PARD3: variants seen among roughly 807,000 people sequenced by gnomAD.
PARD3 encodes partitioning defective 3 homolog.
A neutral mutation model predicts 155.4 loss-of-function variants in PARD3; 75 were observed. The observed-to-expected ratio is 0.48, with a 90% CI of 0.40 to 0.58. The LOEUF is 0.58. PARD3 is among the 20% of genes least tolerant of loss of function. The pLI is 0.00. For synonymous variants in PARD3, 576 were observed against 610.5 expected, an observed-to-expected ratio of 0.94 and a Z score of 0.83; for missense variants, 1,642 against 1,721.7, an observed-to-expected ratio of 0.95 and a Z score of 0.82.
chr10:34,203,399 C>G (rs1302025881), intron 22 of PARD3, among the ~76,000 whole-genome samples: 1 of 152,192 alleles, frequency 6.6e-6, no homozygotes, highest in African/African-American at 2.4e-5. Flanking sequence ...TGCAAAGCTT[C>G]TGAAGCTTTC....
At chr10:34,300,990 A>C (rs1957120224) in intron 20 of PARD3, among the ~76,000 whole-genome samples, 2 of 152,086 alleles carry the variant, frequency 1.3e-5, no homozygotes, top group Admixed American at 1.3e-4. Context: ...TAATAGCTAC[A>C]ATCCTTTGTG....
At chr10:34,495,442 C>T (rs1161046927) in intron 3 of PARD3, among the ~76,000 whole-genome samples, 1 of 152,192 alleles carries the variant, frequency 6.6e-6, no homozygotes, top group Non-Finnish European at 1.5e-5. Context: ...CTCGGATAAT[C>T]AAGGGTAGAC....
At chr10:34,766,698 G>C (rs1243969029) in intron 1 of PARD3, among the ~76,000 whole-genome samples, 1 of 137,722 alleles carries the variant, frequency 7.3e-6, no homozygotes, top group East Asian at 2.7e-4. Flanking sequence ...AAAAAAGCAG[G>C]GGTATAGAAA....
At chr10:34,184,536 A>C (rs1950401208) in intron 22 of PARD3, among the ~76,000 whole-genome samples, 1 of 152,100 alleles carries the variant, frequency 6.6e-6, no homozygotes, top group Non-Finnish European at 1.5e-5. Flanking sequence ...AATTATTAGC[A>C]TTATTCTGTT....
intron 5 of PARD3, among the ~76,000 whole-genome samples, chr10:34,431,740 CAAAAAAAA>C (rs57001926): frequency 4.8e-4 from 12 of 25,200 alleles, no homozygotes; most frequent in Admixed American, 9.2e-4. Context: ...AACTCTGTCT[CAAAAAAAA>C]AAAAAAAAAA....
At chr10:34,159,957 C>A (rs984558130) in intron 22 of PARD3, among the ~76,000 whole-genome samples, 6 of 152,136 alleles carry the variant, frequency 3.9e-5, no homozygotes, top group Non-Finnish European at 7.3e-5. Context: ...AACATTTTCA[C>A]CCAGGAACTT....
intron 20 of PARD3, among the ~76,000 whole-genome samples, chr10:34,292,192 T>C (rs760064525): frequency 2.0e-5 from 3 of 152,224 alleles, no homozygotes; most frequent in Non-Finnish European, 2.9e-5. Context: ...AGGAATTCAC[T>C]GCATGCAGTT....
chr10:34,295,746 T>C (rs1437297850), intron 20 of PARD3, among the ~76,000 whole-genome samples: 1 of 152,166 alleles, frequency 6.6e-6, no homozygotes, highest in Admixed American at 6.5e-5. Flanking sequence ...TATACACAAA[T>C]CTCAGTGGGT....
chr10:34,554,669 G>A (rs1775077080), intron 2 of PARD3, among the ~76,000 whole-genome samples: 2 of 152,106 alleles, frequency 1.3e-5, no homozygotes, highest in African/African-American at 4.8e-5. Context: ...TACAATTAAG[G>A]CCAATGACAA....
chr10:34,418,873 C>A (rs1845924601), intron 5 of PARD3, among the ~76,000 whole-genome samples: 1 of 152,094 alleles, frequency 6.6e-6, no homozygotes, highest in Admixed American at 6.5e-5. Context: ...TGGGCTCAAG[C>A]AATCTTCCTG....
At chr10:34,583,664 C>T (rs776330560) in intron 2 of PARD3, among the ~76,000 whole-genome samples, 15 of 152,064 alleles carry the variant, frequency 9.9e-5, no homozygotes, top group Non-Finnish European at 2.1e-4. Context: ...ATGAGGAAAC[C>T]TTATCTTCCA....
intron 1 of PARD3, among the ~76,000 whole-genome samples, chr10:34,706,099 G>C (rs1482436690): frequency 6.6e-6 from 1 of 152,124 alleles, no homozygotes; most frequent in African/African-American, 2.4e-5. Flanking sequence ...GCTGGCACAG[G>C]ACACAGCCAA....
At chr10:34,456,699 T>C (rs1234435808) in intron 4 of PARD3, among the ~76,000 whole-genome samples, 1 of 152,206 alleles carries the variant, frequency 6.6e-6, no homozygotes, top group Non-Finnish European at 1.5e-5. Flanking sequence ...ATTAACAATA[T>C]ACAAAATAAA....
At chr10:34,803,719 C>T (rs1225246901) in intron 1 of PARD3, among the ~76,000 whole-genome samples, 2 of 151,828 alleles carry the variant, frequency 1.3e-5, no homozygotes, top group Non-Finnish European at 2.9e-5. Context: ...TGTAGAATTG[C>T]TTGAACCCAG....
intron 23 of PARD3, among the ~76,000 whole-genome samples, chr10:34,125,075 T>C (rs867016721): frequency 1.3e-5 from 2 of 150,420 alleles, no homozygotes; most frequent in African/African-American, 2.5e-5. Context: ...TTCTTTCTTT[T>C]TTTTTTTTTG....
At chr10:34,648,299 T>C (rs1401193888) in intron 2 of PARD3, among the ~76,000 whole-genome samples, 1 of 152,224 alleles carries the variant, frequency 6.6e-6, no homozygotes, top group Non-Finnish European at 1.5e-5. Flanking sequence ...TGTTTTATAG[T>C]TATTTTTAAT....
chr10:34,174,499 G>A (rs568241613), intron 22 of PARD3, among the ~76,000 whole-genome samples: 2 of 152,296 alleles, frequency 1.3e-5, no homozygotes, highest in East Asian at 3.9e-4. Context: ...AGAAAGAGGG[G>A]AAGAGCATTC....
At chr10:34,805,581 G>A (rs546019575) in intron 1 of PARD3, among the ~76,000 whole-genome samples, 26 of 139,774 alleles carry the variant, frequency 1.9e-4, no homozygotes, top group Non-Finnish European at 3.7e-4. Flanking sequence ...CGTACAGTTC[G>A]TATCATGCAA....
chr10:34,425,876 TC>T (rs1197030586), intron 5 of PARD3, among the ~76,000 whole-genome samples: 1 of 152,184 alleles, frequency 6.6e-6, no homozygotes, highest in Non-Finnish European at 1.5e-5. Flanking sequence ...AAATTTCTAT[TC>T]AACTGTCAAA....
Sources: gnomAD v4.1 joint callset for allele counts (sites outside exome capture counted in the v4.1 genomes callset) on GRCh38, gnomAD v4.1.1 for gene constraint, MANE v1.5 for transcripts, NCBI Gene and HGNC (gene_info 2026-07-23, HGNC 2026-07-21) for gene names.